Variants in PUS7 observed in about 807,000 individuals in gnomAD.
The protein encoded by PUS7 is pseudouridylate synthase 7 homolog.
In PUS7, 48 loss-of-function variants were observed where a neutral mutation model predicts 79.8. The ratio of observed to expected loss-of-function variants is 0.60; its 90% CI spans 0.48 to 0.76. The LOEUF (loss-of-function observed/expected upper bound fraction) is 0.76. Ranked by LOEUF, PUS7 falls within the 30% of genes least tolerant of loss-of-function variation. The pLI is 0.00. For missense variants in PUS7, 729 were observed against 797.6 expected (o/e 0.91, Z 1.04); for synonymous variants, 286 against 272.2 (o/e 1.05, Z -0.50).
chr7:105,482,852 A>C (rs1004602637), intron 7 of PUS7, among the ~76,000 whole-genome samples: 3 of 152,208 alleles, frequency 2.0e-5, no homozygotes, highest in South Asian at 2.1e-4. Context: ...TCAATCAGAA[A>C]AATTTTGTAA....
intron 1 of PUS7, among the ~76,000 whole-genome samples, chr7:105,513,938 C>T (rs1423096760): frequency 1.5e-5 from 2 of 137,568 alleles, no homozygotes; most frequent in Admixed American, 7.5e-5. Flanking sequence ...GCTGGCTGGG[C>T]GCGGTGGCTC....
At chr7:105,491,894 T>C (rs559290043) in intron 6 of PUS7, among the ~76,000 whole-genome samples, 1 of 151,862 alleles carries the variant, frequency 6.6e-6, no homozygotes, top group South Asian at 2.1e-4. Flanking sequence ...CCATCTGTAC[T>C]AAAAATACAA....
In PUS7 at chr7:105,498,424, G is replaced by A. The variant is rs1825119891; in HGVS notation, c.731-3171C>T. 3.3e-5 allele frequency among the ~76,000 whole-genome samples: 5 copies of A among 152,166 alleles called. No individual in the cohort carries two copies. In the South Asian group the frequency reaches 6.2e-4, roughly 19 times the overall value. On this transcript the variant is annotated intron_variant, in intron 5 of 15. Coordinates refer to ENST00000469408, the MANE Select transcript of PUS7 (RefSeq NM_019042.5). The stretch of plus-strand genomic sequence containing the variant: ...ATACTGCAAATGCACAGAATTCCCA[G>A]GCTGGGTAATATGGTTCCTATTTGA...
At chr7:105,516,793 A>G (rs1825913072) in intron 1 of PUS7, among the ~76,000 whole-genome samples, 1 of 151,954 alleles carries the variant, frequency 6.6e-6, no homozygotes, top group African/African-American at 2.4e-5. Flanking sequence ...GGGAGAGGAG[A>G]GAGAGGTGAT....
intron 12 of PUS7, among the ~76,000 whole-genome samples, chr7:105,467,044 T>G (rs1229737985): frequency 1.6e-5 from 2 of 125,224 alleles, no homozygotes; most frequent in Non-Finnish European, 3.5e-5. Context: ...GTTTTTTTTT[T>G]TTTTTTTTTT....
chr7:105,470,986 G>T, intron 10 of PUS7, 138 bp from the exon 11 acceptor site: 1 of 920,350 alleles, frequency 1.1e-6, no homozygotes, highest in Non-Finnish European at 1.5e-6. Flanking sequence ...CCACTCATCT[G>T]AGGAAGCGCA....
intron 7 of PUS7, among the ~76,000 whole-genome samples, chr7:105,487,576 T>C (rs940920106): frequency 6.6e-6 from 1 of 152,198 alleles, no homozygotes; most frequent in Non-Finnish European, 1.5e-5. Context: ...AAGCTGACAA[T>C]GTCTTCATGA....
intron 4 of PUS7, 128 bp downstream of exon 4, chr7:105,505,827 C>A: frequency 2.7e-6 from 2 of 751,016 alleles, no homozygotes; most frequent in Non-Finnish European, 4.4e-6. Context: ...GTGTAATATC[C>A]TTTAGATCCA....
chr7:105,481,824 C>G (rs112744177), intron 8 of PUS7, among the ~76,000 whole-genome samples: 5,381 of 151,718 alleles, frequency 0.035, 107 homozygotes, highest in African/African-American at 0.045. Context: ...TCTGCCTCCT[C>G]GGTTCACGCC....
chr7:105,516,936 T>C (rs1825918661), intron 1 of PUS7, among the ~76,000 whole-genome samples: 1 of 152,076 alleles, frequency 6.6e-6, no homozygotes, highest in Non-Finnish European at 1.5e-5. Flanking sequence ...TGAATGAAGA[T>C]ATAAAGTTAC....
intron 15 of PUS7, 123 bp from the exon 16 acceptor site, chr7:105,458,049 G>C: frequency 9.0e-7 from 1 of 1,116,338 alleles, no homozygotes; most frequent in Non-Finnish European, 1.2e-6. Flanking sequence ...CACTTCCTAG[G>C]GGGCCTTGGA....
At chr7:105,492,533 T>C (rs1391403677) in intron 6 of PUS7, among the ~76,000 whole-genome samples, 1 of 126,474 alleles carries the variant, frequency 7.9e-6, no homozygotes, top group East Asian at 2.3e-4. Flanking sequence ...TGAGACAGAG[T>C]CTCGCTCTGT....
intron 6 of PUS7, 43 bp from the exon 7 acceptor site, chr7:105,491,660 ATAT>A (rs1824785799): frequency 8.9e-7 from 1 of 1,124,392 alleles, no homozygotes; most frequent in African/African-American, 1.6e-5. Context: ...ACATACTGTA[ATAT>A]TATAAGGAAA....
At chr7:105,474,088 A>C (rs963589033) in intron 9 of PUS7, among the ~76,000 whole-genome samples, 2 of 152,078 alleles carry the variant, frequency 1.3e-5, no homozygotes, top group Non-Finnish European at 2.9e-5. Context: ...GTTTAGAAAG[A>C]CCCTTCCCTA....
chr7:105,471,095 C>T (rs1823856658), intron 10 of PUS7, among the ~76,000 whole-genome samples: 1 of 152,230 alleles, frequency 6.6e-6, no homozygotes, highest in South Asian at 2.1e-4. Context: ...TTCATTATAA[C>T]AGCTGATTCA....
chr7:105,490,843 T>G (rs1315925324), intron 7 of PUS7, among the ~76,000 whole-genome samples: 1 of 152,222 alleles, frequency 6.6e-6, no homozygotes, highest in Non-Finnish European at 1.5e-5. Context: ...AGGGAATATC[T>G]GACAATGCCT....
rs750677622 is a variant in PUS7, at chr7:105,465,330, A to G, written c.1610T>C (p.Ile537Thr). ...GAACTTACTTTTATGCTTTGGGTAGATAACATCGAAACCAGGCAAGGGCAT... is the reference window on the plus strand; with the variant it reads ...GAACTTACTTTTATGCTTTGGGTAGGTAACATCGAAACCAGGCAAGGGCAT... ...VVMPLPGFDV[I>T]YPKHKIQEAY... Residue 537 changes from isoleucine (I) to threonine (T), a missense_variant, in exon 13 of 16, where the codon ATC becomes ACC. Ile to Thr is a moderately conservative substitution (Grantham distance 89). Transcript: ENST00000469408. The G allele has an allele frequency of 3.1e-6, 5 of 1,611,034 alleles. No individual in the cohort carries two copies. In the South Asian group the frequency reaches 4.4e-5, roughly 14 times the overall value.
intron 1 of PUS7, among the ~76,000 whole-genome samples, chr7:105,519,142 C>T (rs1267143597): frequency 6.6e-6 from 1 of 152,132 alleles, no homozygotes; most frequent in African/African-American, 2.4e-5. Flanking sequence ...TTTGTAAATA[C>T]ATCTTTCCTC....
chr7:105,491,988 C>G (rs1774553503), intron 6 of PUS7, among the ~76,000 whole-genome samples: 2 of 146,000 alleles, frequency 1.4e-5, no homozygotes, highest in African/African-American at 2.5e-5. Context: ...ACTCAGGAGG[C>G]TGAGGTTGCA....
Sources: allele counts gnomAD v4.1 joint callset (sites outside exome capture counted in the v4.1 genomes callset), GRCh38; gene constraint gnomAD v4.1.1; transcripts MANE v1.5; gene names NCBI Gene and HGNC (gene_info 2026-07-23, HGNC 2026-07-21).